The following ADGRG1 variants were observed in gnomAD, a reference collection of about 807,000 sequenced individuals.
The protein encoded by ADGRG1 is adhesion G protein-coupled receptor G1.
Under a neutral mutation model 73.5 loss-of-function variants are expected in ADGRG1, and 53 were observed. The ratio of observed to expected loss-of-function variants is 0.72; its 90% CI spans 0.58 to 0.91. ADGRG1 has a LOEUF of 0.91. Ranked by LOEUF, ADGRG1 falls within the 40% of genes least tolerant of loss-of-function variation. The pLI, the probability that ADGRG1 is intolerant of heterozygous loss-of-function variation, is 0.00. For missense variants in ADGRG1, 795 were observed against 871.8 expected (o/e 0.91, Z 1.11); for synonymous variants, 394 against 374.4 (o/e 1.05, Z -0.60).
Position 57,663,846 on chromosome 16 carries a change from T to A in ADGRG1, c.*264T>A. The A allele has an allele frequency of 3.6e-6, 2 of 549,986 alleles. No homozygotes were observed. The highest frequency in any genetic ancestry group is 2.0e-5 in the South Asian group (1 of 50,022). The allele number at this position is 549,986 out of a possible 1,614,324, so 34.1% of individuals were successfully genotyped here. The stretch of plus-strand genomic sequence containing the variant: ...TGCTGCCTAGGGTACTGTCCCCACA[T>A]CTGTCCCAACCCAGCTGGAGGCCTG... On this transcript the variant is annotated 3_prime_UTR_variant, in exon 14 of 14. Transcript: ENST00000562631.
intron 7 of ADGRG1, 108 bp downstream of exon 7, chr16:57,656,100 C>T (rs917773533): frequency 8.5e-5 from 137 of 1,613,114 alleles, no homozygotes; most frequent in Non-Finnish European, 1.0e-4. Flanking sequence ...ATTGCCTGAT[C>T]GAGCAGTCAG....
At chr16:57,621,514 G>T (rs1170988224) in intron 2 of ADGRG1, 1 of 152,014 alleles carries the variant, frequency 6.6e-6, no homozygotes, top group African/African-American at 2.4e-5. Context: ...GGGAGTGGGG[G>T]TGGAGGTGGG....
At chr16:57,622,797 C>T, upstream of ADGRG1, 1 of 985,408 alleles carries the variant, frequency 1.0e-6, no homozygotes, top group Non-Finnish European at 1.2e-6. Flanking sequence ...TACCTTCTAT[C>T]TCAGGCAGCG....
chr16:57,659,659 C>G lies in ADGRG1; in HGVS notation c.1533C>G (p.Leu511=), dbSNP rs1292402396. 2 of 1,613,948 alleles carry G rather than the reference C, an allele frequency of 1.2e-6. No individual in the cohort carries two copies. The highest frequency in any genetic ancestry group is 2.2e-5 in the East Asian group (1 of 44,870). The change falls in exon 11 of 14, where the codon CTC becomes CTG. Residue 511 remains leucine (L), a synonymous_variant. Coordinates refer to ENST00000562631, the MANE Select transcript of ADGRG1 (RefSeq NM_201525.4). ...GCACCTATGTCCCTGGCTACCTACT[C>G]AAGCTGAGCGCCATGGGCTGGGGTA... ...VFGTYVPGYL[L]KLSAMGWGFP...
rs768508761 is a variant in ADGRG1 at position 57,656,218 on chromosome 16, C to A, written c.1018-8C>A. 6.2e-7 allele frequency: 1 copy of A among 1,613,578 alleles called. No homozygotes were observed. Among genetic ancestry groups the A allele is most frequent in the Non-Finnish European group, 8.5e-7 (1 of 1,179,636 alleles). ...CACAGAAACCACTCTCCTTTCTTGTCCCTACAGAAGAATGTGACTCTGCAA... is the reference window on the plus strand; with the variant it reads ...CACAGAAACCACTCTCCTTTCTTGTACCTACAGAAGAATGTGACTCTGCAA... On this transcript the variant is annotated splice_region_variant and splice_polypyrimidine_tract_variant and intron_variant, in intron 7 of 13. Coordinates refer to ENST00000562631, the MANE Select transcript of ADGRG1 (RefSeq NM_201525.4).
intron 1 of ADGRG1, chr16:57,636,480 C>G: frequency 1.0e-6 from 1 of 985,248 alleles, no homozygotes; most frequent in Non-Finnish European, 1.2e-6. Context: ...GCCAAGCAGC[C>G]GGCAGAGGTG....
chr16:57,625,088 CCT>C (rs1334720161), upstream of ADGRG1, among the ~76,000 whole-genome samples: 32 of 152,202 alleles, frequency 2.1e-4, no homozygotes, highest in Admixed American at 9.8e-4. Flanking sequence ...AGCATTGCCC[CCT>C]CTCCTCTGTC....
intron 1 of ADGRG1, chr16:57,631,384 G>T (rs1203431323): frequency 2.6e-5 from 26 of 985,844 alleles, no homozygotes; most frequent in East Asian, 2.3e-4. Context: ...GGTCTGGGGG[G>T]CTGTGCCATT....
At chr16:57,631,889 C>A in intron 1 of ADGRG1, 1 of 941,882 alleles carries the variant, frequency 1.1e-6, no homozygotes, top group Non-Finnish European at 1.3e-6. Flanking sequence ...GTCTGGACTG[C>A]TGGGTAGAGG....
intron 1 of ADGRG1, chr16:57,641,255 C>A: frequency 1.0e-6 from 1 of 978,604 alleles, no homozygotes; most frequent in Non-Finnish European, 1.2e-6. Flanking sequence ...CCTTATGCCC[C>A]TAACTCCTGC....
At chr16:57,634,023 C>T (rs894196593) in intron 1 of ADGRG1, 4 of 969,808 alleles carry the variant, frequency 4.1e-6, no homozygotes, top group Admixed American at 6.2e-5. Context: ...CCATTACCCA[C>T]AGAACCGCCG....
chr16:57,626,958 T>C, upstream of ADGRG1: 1 of 985,614 alleles, frequency 1.0e-6, no homozygotes, highest in Non-Finnish European at 1.2e-6. Context: ...GAGTTCCCAC[T>C]GCAGCCCCGG....
chr16:57,635,682 G>A (rs1412303025), intron 1 of ADGRG1: 1 of 985,118 alleles, frequency 1.0e-6, no homozygotes, highest in African/African-American at 1.7e-5. Context: ...CTGTGGCTCA[G>A]CCCCTCTGAG....
intron 13 of ADGRG1, 108 bp downstream of exon 13, chr16:57,662,073 G>A: frequency 1.1e-6 from 1 of 900,872 alleles, no homozygotes; most frequent in Non-Finnish European, 1.9e-6. Context: ...CTGGGCCTCA[G>A]TCATCCCATT....
In ADGRG1 at chr16:57,631,416, C is replaced by T. The variant is rs78644039; in HGVS notation, c.-36+2614C>T. 3.2e-3 allele frequency: 3,202 copies of T among 985,946 alleles called. 57 individuals are homozygous for T. The African/African-American group carries it at 0.045, about 14-fold the overall frequency. The allele number at this position is 985,946 out of a possible 1,614,324, so 61.1% of individuals were successfully genotyped here. On this transcript the variant is annotated intron_variant, in intron 1 of 13. Coordinates refer to ENST00000562631, the MANE Select transcript of ADGRG1 (RefSeq NM_201525.4). Reference sequence around the variant, plus strand: ...CATTTCAGGGATGCAGGATGGGCTTCCATGTGGCAGGGCTCCCAGGGAGGC... The same window carrying T: ...CATTTCAGGGATGCAGGATGGGCTTTCATGTGGCAGGGCTCCCAGGGAGGC...
At chr16:57,630,939 G>A (rs749002231) in intron 1 of ADGRG1, 36 of 985,068 alleles carry the variant, frequency 3.7e-5, no homozygotes, top group Admixed American at 6.2e-5. Flanking sequence ...GGGACTTGAT[G>A]AGCCAGGCCA....
rs1264134218 is a variant in ADGRG1 at position 57,631,222 on chromosome 16, G to T, written c.-36+2420G>T. 15 of 986,940 alleles carry T rather than the reference G, an allele frequency of 1.5e-5. No individual in the cohort carries two copies. The Admixed American group carries it at 8.0e-4, about 52-fold the overall frequency. 61.1% of individuals were successfully genotyped at this position (986,940 alleles called of 1,614,324 possible). ...GAGGTGGCAGAGCTGCAGCAGGGTT[G>T]GTGTAGGGGTTGGCCTCCTGGCAAG... On this transcript the variant is annotated intron_variant, in intron 1 of 13. Coordinates refer to ENST00000562631, the MANE Select transcript of ADGRG1 (RefSeq NM_201525.4).
chr16:57,627,746 G>T (rs1171406022), upstream of ADGRG1: 1 of 964,472 alleles, frequency 1.0e-6, no homozygotes, highest in East Asian at 1.1e-4. Flanking sequence ...GAGGAGGGCA[G>T]ACAGGAGCCT....
intron 1 of ADGRG1, among the ~76,000 whole-genome samples, chr16:57,649,569 T>C (rs1271364347): frequency 6.6e-6 from 1 of 152,038 alleles, no homozygotes; most frequent in African/African-American, 2.4e-5. Flanking sequence ...CCCCCTTTTT[T>C]CTGTGTTCCC....
Sources: allele counts gnomAD v4.1 joint callset (sites outside exome capture counted in the v4.1 genomes callset), GRCh38; gene constraint gnomAD v4.1.1; transcripts MANE v1.5; gene names NCBI Gene and HGNC (gene_info 2026-07-23, HGNC 2026-07-21).